Variants in TRPM3 observed in about 807,000 individuals in gnomAD.
TRPM3 encodes the protein transient receptor potential cation channel subfamily M member 3.
A neutral mutation model predicts 181.2 loss-of-function variants in TRPM3; 77 were observed. The observed-to-expected ratio is 0.42, with a 90% confidence interval of 0.35 to 0.51. TRPM3 has a LOEUF of 0.51. Ranked by LOEUF, TRPM3 falls within the 20% of genes least tolerant of loss-of-function variation. The pLI is 0.01. For missense variants in TRPM3, 1,759 were observed against 2,196.7 expected, an observed-to-expected ratio of 0.80 and a Z score of 3.98; for synonymous variants, 745 against 796.4, an observed-to-expected ratio of 0.94 and a Z score of 1.09.
chr9:71,016,066 G>A (rs941921744), intron 1 of TRPM3, among the ~76,000 whole-genome samples: 6 of 150,872 alleles, frequency 4.0e-5, no homozygotes, highest in East Asian at 2.0e-4. Flanking sequence ...GTGGTGGTGC[G>A]TGCCTGTAGT....
chr9:71,440,015 C>T (rs564449493), intron 1 of TRPM3, among the ~76,000 whole-genome samples: 7 of 151,954 alleles, frequency 4.6e-5, no homozygotes, highest in Admixed American at 2.0e-4. Context: ...CCCAGCTACT[C>T]GGGAGGCTGA....
chr9:71,074,970 T>G (rs2063258333), intron 1 of TRPM3, among the ~76,000 whole-genome samples: 1 of 152,174 alleles, frequency 6.6e-6, no homozygotes, highest in Non-Finnish European at 1.5e-5. Context: ...AAATAATTTA[T>G]TTTATGCTAT....
At chr9:70,984,669 A>G (rs182669067) in intron 1 of TRPM3, among the ~76,000 whole-genome samples, 130 of 152,342 alleles carry the variant, frequency 8.5e-4, no homozygotes, top group Middle Eastern at 3.4e-3. Flanking sequence ...TGATGTGGCC[A>G]GGAGACAAGG....
At chr9:71,306,955 G>A (rs969072954) in intron 1 of TRPM3, among the ~76,000 whole-genome samples, 1 of 152,210 alleles carries the variant, frequency 6.6e-6, no homozygotes, top group African/African-American at 2.4e-5. Context: ...GTTACTATCT[G>A]TAAAATATCT....
In TRPM3 at chr9:70,979,818, G is replaced by T. The variant is rs568684504; in HGVS notation, c.178-115307C>A. Reference sequence around the variant, plus strand: ...CTGGTAGGGTTTTGTTTCTCATGGGGGCTTCTCTCCTTTGGCTTGCAGATG... The same window carrying T: ...CTGGTAGGGTTTTGTTTCTCATGGGTGCTTCTCTCCTTTGGCTTGCAGATG... On this transcript the variant is annotated intron_variant, in intron 1 of 25. Transcript: ENST00000677713. Among the ~76,000 whole-genome samples, 4 of 152,198 alleles carry T rather than the reference G, an allele frequency of 2.6e-5. No individual in the cohort carries two copies. The East Asian group carries it at 7.7e-4, about 29-fold the overall frequency.
At chr9:71,032,786 A>T (rs2057700979) in intron 1 of TRPM3, among the ~76,000 whole-genome samples, 1 of 152,206 alleles carries the variant, frequency 6.6e-6, no homozygotes, top group Non-Finnish European at 1.5e-5. Context: ...GTTCTCAACA[A>T]ATATTCATTA....
At chr9:70,883,437 T>C (rs922504782) in intron 1 of TRPM3, among the ~76,000 whole-genome samples, 2 of 152,120 alleles carry the variant, frequency 1.3e-5, no homozygotes, top group Non-Finnish European at 2.9e-5. Flanking sequence ...AGAGAGGAGA[T>C]TACATGTATT....
intron 1 of TRPM3, among the ~76,000 whole-genome samples, chr9:70,980,973 A>C (rs1384763713): frequency 6.6e-6 from 1 of 152,244 alleles, no homozygotes; most frequent in Non-Finnish European, 1.5e-5. Context: ...ACATATGTAC[A>C]CATGCATGTG....
chr9:70,542,689 G>A (rs979614907), intron 25 of TRPM3, among the ~76,000 whole-genome samples: 2 of 152,316 alleles, frequency 1.3e-5, no homozygotes, highest in Middle Eastern at 6.8e-3. Flanking sequence ...TGTGGTGAAA[G>A]GAAATGTGGT....
intron 1 of TRPM3, among the ~76,000 whole-genome samples, chr9:70,974,863 ATT>A (rs1177545043): frequency 1.3e-4 from 15 of 117,960 alleles, no homozygotes; most frequent in African/African-American, 1.6e-4. Context: ...TGGAACATCA[ATT>A]TTTTTTTTTT....
intron 6 of TRPM3, among the ~76,000 whole-genome samples, chr9:70,801,099 A>G (rs887803793): frequency 7.2e-5 from 11 of 152,224 alleles, no homozygotes; most frequent in African/African-American, 2.7e-4. Flanking sequence ...TGAAGGGGTC[A>G]TTATTAATAA....
chr9:71,289,524 T>C (rs1287573694), intron 1 of TRPM3, among the ~76,000 whole-genome samples: 1 of 152,068 alleles, frequency 6.6e-6, no homozygotes, highest in Admixed American at 6.6e-5. Context: ...TAGTGTTCAA[T>C]AGTACAGTAG....
At chr9:71,327,017 A>G (rs1246501420) in intron 1 of TRPM3, among the ~76,000 whole-genome samples, 1 of 152,142 alleles carries the variant, frequency 6.6e-6, no homozygotes, top group Non-Finnish European at 1.5e-5. Flanking sequence ...CTGATCAACC[A>G]TGTGTGCTTT....
At chr9:70,878,806 T>C (rs756154177) in intron 1 of TRPM3, among the ~76,000 whole-genome samples, 1 of 152,010 alleles carries the variant, frequency 6.6e-6, no homozygotes. Context: ...TGAGAACTTG[T>C]TAGAAGTGCT....
chr9:71,068,204 T>A (rs181689592), intron 1 of TRPM3, among the ~76,000 whole-genome samples: 1 of 152,346 alleles, frequency 6.6e-6, no homozygotes, highest in Admixed American at 6.5e-5. Flanking sequence ...CTGTTTTCCA[T>A]CTTACTGGAG....
intron 19 of TRPM3, among the ~76,000 whole-genome samples, chr9:70,604,229 A>G (rs1396214549): frequency 6.6e-6 from 1 of 152,132 alleles, no homozygotes; most frequent in Non-Finnish European, 1.5e-5. Flanking sequence ...GATGTCTGGG[A>G]AGAACTCCCT....
At chr9:71,088,310 G>C (rs975340871) in intron 1 of TRPM3, among the ~76,000 whole-genome samples, 3 of 152,016 alleles carry the variant, frequency 2.0e-5, no homozygotes, top group Non-Finnish European at 4.4e-5. Flanking sequence ...AAGTTGACTG[G>C]GGCATTTGCA....
At position 71,077,723 on chromosome 9, in the gene TRPM3, CAG is replaced by C. The variant is rs561597247; in HGVS notation, c.177+43453_177+43454del. Among the ~76,000 whole-genome samples the C allele has an allele frequency of 2.6e-5, 4 of 152,102 alleles. No homozygotes were observed. The South Asian group carries it at 8.3e-4, about 32-fold the overall frequency. ...TAGTGGACGGTAGAGACCGTGAAGACAGAGAGAGAGGCATGCAGCCACACTCA... is the reference window on the plus strand; with the variant it reads ...TAGTGGACGGTAGAGACCGTGAAGACAGAGAGAGGCATGCAGCCACACTCA... On this transcript the variant is annotated intron_variant, in intron 1 of 25. Transcript: ENST00000677713.
intron 1 of TRPM3, among the ~76,000 whole-genome samples, chr9:70,970,911 T>C (rs977701054): frequency 6.6e-6 from 1 of 152,148 alleles, no homozygotes; most frequent in African/African-American, 2.4e-5. Context: ...GATATGACAT[T>C]CAGAATGAAC....
Sources: gnomAD v4.1 joint callset for allele counts (sites outside exome capture counted in the v4.1 genomes callset) on GRCh38, gnomAD v4.1.1 for gene constraint, MANE v1.5 for transcripts, NCBI Gene and HGNC (gene_info 2026-07-23, HGNC 2026-07-21) for gene names.